TTC34: variants seen among roughly 807,000 people sequenced by gnomAD.
TTC34 encodes tetratricopeptide repeat domain 34, also known as tetratricopeptide repeat protein 34.
A neutral mutation model predicts 40.7 loss-of-function variants in TTC34; 44 were observed. The ratio of observed to expected loss-of-function variants is 1.08; its 90% confidence interval spans 0.85 to 1.39. The LOEUF is 1.39. Among genes scored for constraint, TTC34 ranks in the 40% most tolerant of loss-of-function variants. The pLI is 0.00. For missense variants in TTC34, 884 were observed against 838.0 expected (o/e 1.05, Z -0.68); for synonymous variants, 422 against 398.6 (o/e 1.06, Z -0.70).
intron 3 of TTC34, among the ~76,000 whole-genome samples, chr1:2,788,443 G>C (rs983078860): frequency 6.6e-5 from 10 of 151,718 alleles, no homozygotes; most frequent in African/African-American, 2.2e-4. Context: ...TGTTGTGTGT[G>C]TGCCTTGGGG....
chr1:2,750,140 G>T (rs1569688383), intron 6 of TTC34, among the ~76,000 whole-genome samples: 1 of 146,680 alleles, frequency 6.8e-6, no homozygotes, highest in African/African-American at 2.6e-5. Flanking sequence ...GTGAGCATCC[G>T]ACAGCGTGGA....
At chr1:2,764,248 A>T (rs1641725930) in intron 6 of TTC34, among the ~76,000 whole-genome samples, 1 of 150,334 alleles carries the variant, frequency 6.7e-6, no homozygotes, top group South Asian at 2.1e-4. Context: ...GACAGCCTGG[A>T]GCAGCACGCA....
chr1:2,761,368 A>AG lies in TTC34; in HGVS notation c.2226+22240dup, dbSNP rs1641680077. Among the ~76,000 whole-genome samples the AG allele has an allele frequency of 3.1e-5, 2 of 63,820 alleles. 1 individual carries two copies. The highest frequency in any genetic ancestry group is 2.9e-4 in the Admixed American group (2 of 6,826). The allele number at this position is 63,820 out of a possible 152,430, so 41.9% of individuals were successfully genotyped here. The stretch of plus-strand genomic sequence containing the variant: ...AGCCTGGAGCAGCACCCACACCCCT[A>AG]GGCGAGCATCCGACAGCCTGGAGCA... On this transcript the variant is annotated intron_variant, in intron 6 of 8. Coordinates refer to ENST00000401095, the Ensembl canonical transcript of TTC34.
intron 6 of TTC34, among the ~76,000 whole-genome samples, chr1:2,683,382 G>A (rs1365651651): frequency 8.9e-6 from 1 of 112,690 alleles, no homozygotes; most frequent in Non-Finnish European, 1.8e-5. Context: ...GCTTGGAACA[G>A]CACCCACACG....
exon 9 of TTC34, chr1:2,641,533 T>G: frequency 6.5e-7 from 1 of 1,534,766 alleles, no homozygotes; most frequent in East Asian, 2.4e-5. Context: ...GGAACATGCG[T>G]GCAGTGGGGG....
At chr1:2,694,151 C>G (rs1469818618) in intron 6 of TTC34, among the ~76,000 whole-genome samples, 35 of 142,180 alleles carry the variant, frequency 2.5e-4, no homozygotes, top group African/African-American at 2.7e-4. Flanking sequence ...ACACACACCC[C>G]CAGGCGAGCA....
intron 5 of TTC34, among the ~76,000 whole-genome samples, chr1:2,784,886 T>C (rs1643554611): frequency 6.6e-6 from 1 of 152,172 alleles, no homozygotes; most frequent in Non-Finnish European, 1.5e-5. Flanking sequence ...CCACAACCCC[T>C]CGCCAAAGAG....
intron 6 of TTC34, among the ~76,000 whole-genome samples, chr1:2,656,069 C>T (rs1440891073): frequency 6.6e-6 from 1 of 151,270 alleles, no homozygotes; most frequent in African/African-American, 2.5e-5. Flanking sequence ...AGGTGCGCAT[C>T]TGATGGTCTG....
At chr1:2,685,995 C>T (rs1640322849) in intron 6 of TTC34, among the ~76,000 whole-genome samples, 1 of 124,502 alleles carries the variant, frequency 8.0e-6, no homozygotes, top group Admixed American at 8.0e-5. Flanking sequence ...TATCAGCACC[C>T]ACACCCCCAG....
At chr1:2,652,065 C>G (rs55738582) in intron 6 of TTC34, among the ~76,000 whole-genome samples, 27,311 of 32,266 alleles carry the variant, frequency 0.85, 11,341 homozygotes, top group Middle Eastern at 0.89. Context: ...CATCTGACAG[C>G]CTGGAGGAGC....
At chr1:2,687,296 C>T (rs529981600) in intron 6 of TTC34, among the ~76,000 whole-genome samples, 1 of 132,684 alleles carries the variant, frequency 7.5e-6, no homozygotes, top group Non-Finnish European at 1.5e-5. Flanking sequence ...CACAGGTGAG[C>T]ATCTGACATC....
chr1:2,674,628 A>C (rs1234695512), intron 6 of TTC34, among the ~76,000 whole-genome samples: 24 of 19,660 alleles, frequency 1.2e-3, no homozygotes, highest in African/African-American at 3.5e-3. Context: ...ATCGTGGAGC[A>C]GCACCCCACA....
intron 6 of TTC34, among the ~76,000 whole-genome samples, chr1:2,698,615 C>A (rs868196920): frequency 2.9e-5 from 1 of 34,054 alleles, no homozygotes; most frequent in African/African-American, 1.5e-4. Context: ...CACTCCCAGA[C>A]GAGCATCGGA....
chr1:2,693,739 A>AC (rs1640733054), intron 6 of TTC34, among the ~76,000 whole-genome samples: 1 of 72,656 alleles, frequency 1.4e-5, no homozygotes, highest in African/African-American at 4.6e-5. Flanking sequence ...AAGGAGCAGC[A>AC]CCCACACCTC....
chr1:2,782,744 A>C (rs1236244083), intron 6 of TTC34, among the ~76,000 whole-genome samples: 2 of 152,034 alleles, frequency 1.3e-5, no homozygotes, highest in Admixed American at 1.3e-4. Flanking sequence ...TCTGTGATCC[A>C]TTGGTTGTTT....
intron 2 of TTC34, among the ~76,000 whole-genome samples, 169 bp from the exon 3 acceptor site, chr1:2,790,515 A>C (rs1189560890): frequency 4.6e-5 from 7 of 152,148 alleles, no homozygotes. Flanking sequence ...CACCGCCAGG[A>C]CACCAGCTGG....
At chr1:2,652,409 C>A in intron 6 of TTC34, among the ~76,000 whole-genome samples, 1 of 111,244 alleles carries the variant, frequency 9.0e-6, no homozygotes, top group East Asian at 3.1e-4. Context: ...CGCACACCCC[C>A]AGTGAGCATC....
chr1:2,795,085 A>C (rs541247578), intron 2 of TTC34, among the ~76,000 whole-genome samples: 25 of 118,294 alleles, frequency 2.1e-4, no homozygotes, highest in Admixed American at 4.4e-4. Flanking sequence ...CCCCATCTCT[A>C]CAAAAAAAAA....
rs1170212245 is a variant in TTC34 at position 2,686,884 on chromosome 1, C to A, written c.2227-41321G>T. ...GGACAGCCTGGAGCAGCACCCACACCCCCTGATGAGCATCTGACAGCCTGG... is the reference window on the plus strand; with the variant it reads ...GGACAGCCTGGAGCAGCACCCACACACCCTGATGAGCATCTGACAGCCTGG... On this transcript the variant is annotated intron_variant, in intron 6 of 8. Coordinates refer to ENST00000401095, the Ensembl canonical transcript of TTC34. Among the ~76,000 whole-genome samples, 9 of 85,476 alleles carry A rather than the reference C, an allele frequency of 1.1e-4. 1 individual carries two copies. The highest frequency in any genetic ancestry group is 3.6e-4 in the South Asian group (1 of 2,796). The allele number at this position is 85,476 out of a possible 152,430, so 56.1% of individuals were successfully genotyped here.
Sources: gnomAD v4.1 joint callset for allele counts (sites outside exome capture counted in the v4.1 genomes callset) on GRCh38, gnomAD v4.1.1 for gene constraint, MANE v1.5 for transcripts, NCBI Gene and HGNC (gene_info 2026-07-23, HGNC 2026-07-21) for gene names.